MAPK4: variants seen among roughly 807,000 people sequenced by gnomAD.
MAPK4 encodes the protein mitogen-activated protein kinase 4.
MAPK4 carries 22 observed loss-of-function variants against 47.7 expected under a neutral mutation model. The ratio of observed to expected loss-of-function variants is 0.46; its 90% confidence interval spans 0.33 to 0.66. MAPK4 has a LOEUF of 0.66. MAPK4 is among the 30% of genes least tolerant of loss of function. The pLI is 0.02. For synonymous variants in MAPK4, 390 were observed against 365.7 expected, an observed-to-expected ratio of 1.07 and a Z score of -0.76; for missense variants, 736 against 831.7, an observed-to-expected ratio of 0.88 and a Z score of 1.42.
Position 50,730,016 on chromosome 18 carries a change from C to A in MAPK4, c.*162C>A. 1 of 712,156 alleles carries A rather than the reference C, an allele frequency of 1.4e-6. No homozygotes were observed. The highest frequency in any genetic ancestry group is 2.2e-6 in the Non-Finnish European group (1 of 455,794). 44.1% of individuals were successfully genotyped at this position (712,156 alleles called of 1,614,324 possible). A position where few individuals can be genotyped will look rare whatever the true frequency, so the allele number is the denominator to read the frequency against. Reference sequence around the variant, plus strand: ...GAGGAATGTCCATTTCTTAAACTGCCTTAATAACTAGCCTTTAACCTGTGG... The same window carrying A: ...GAGGAATGTCCATTTCTTAAACTGCATTAATAACTAGCCTTTAACCTGTGG... On this transcript the variant is annotated 3_prime_UTR_variant, in exon 6 of 6. Coordinates refer to ENST00000400384, the MANE Select transcript of MAPK4 (RefSeq NM_002747.4).
Position 50,731,072 on chromosome 18 carries a change from G to A in MAPK4, c.*1218G>A, listed in dbSNP as rs890810887. On this transcript the variant is annotated 3_prime_UTR_variant, in exon 6 of 6. Transcript: ENST00000400384. ...ACCTTGGGGGCAAGGAATCCAGAAA[G>A]GTAGGAAGATATGAAAAGAGAGGTG... 3 of 152,342 alleles carry A rather than the reference G, an allele frequency of 2.0e-5. No homozygotes were observed. The highest frequency in any genetic ancestry group is 1.3e-4 in the Admixed American group (2 of 15,290). The allele number at this position is 152,342 out of a possible 1,614,324, so 9.4% of individuals were successfully genotyped here.
chr18:50,576,903 T>C (rs2042302176), intron 1 of MAPK4, among the ~76,000 whole-genome samples: 1 of 152,210 alleles, frequency 6.6e-6, no homozygotes, highest in Admixed American at 6.5e-5. Context: ...TGGAGGTCTC[T>C]ACAAATTCAA....
chr18:50,560,841 G>A (rs1203404766), intron 1 of MAPK4: 1 of 152,326 alleles, frequency 6.6e-6, no homozygotes, highest in East Asian at 1.9e-4. Context: ...GCCTGCCGGA[G>A]AGGGCAGCGG....
upstream of MAPK4, among the ~76,000 whole-genome samples, chr18:50,559,826 C>G (rs1193496337): frequency 6.6e-6 from 1 of 150,792 alleles, no homozygotes; most frequent in Non-Finnish European, 1.5e-5. Context: ...CTACCCGGGA[C>G]GGGGCTCGGC....
intron 2 of MAPK4, among the ~76,000 whole-genome samples, chr18:50,698,909 C>T (rs1471852183): frequency 1.3e-5 from 2 of 152,000 alleles, no homozygotes; most frequent in Admixed American, 6.6e-5. Context: ...CCTGTAATCC[C>T]CGCTATCTGG....
chr18:50,681,853 T>C (rs1598905346), intron 2 of MAPK4, among the ~76,000 whole-genome samples: 1 of 152,336 alleles, frequency 6.6e-6, no homozygotes, highest in East Asian at 1.9e-4. Context: ...ATACTCCAAC[T>C]TTGTTCCTTT....
At chr18:50,562,720 A>G (rs755309953) in intron 1 of MAPK4, among the ~76,000 whole-genome samples, 1 of 152,258 alleles carries the variant, frequency 6.6e-6, no homozygotes, top group Non-Finnish European at 1.5e-5. Context: ...CAAATATTTG[A>G]GTATTTACAA....
Position 50,724,711 on chromosome 18 carries a change from G to C in MAPK4, c.854-1251G>C, listed in dbSNP as rs542898042. Among the ~76,000 whole-genome samples the C allele has an allele frequency of 3.9e-5, 6 of 152,338 alleles. No homozygotes were observed. The South Asian group carries it at 1.0e-3, about 26-fold the overall frequency. On this transcript the variant is annotated intron_variant, in intron 4 of 5. Transcript: ENST00000400384. ...AGGCCAGTGACCTTCTGAATCCATC[G>C]ATTTCCTCAATCACTGATGAATTTT...
intron 1 of MAPK4, among the ~76,000 whole-genome samples, chr18:50,597,413 C>T (rs1426096808): frequency 6.6e-6 from 1 of 152,180 alleles, no homozygotes; most frequent in African/African-American, 2.4e-5. Context: ...CTGTCCTGCT[C>T]ATCTTGTTTC....
chr18:50,562,258 G>A (rs887942567), intron 1 of MAPK4, among the ~76,000 whole-genome samples: 10 of 152,096 alleles, frequency 6.6e-5, no homozygotes, highest in Non-Finnish European at 1.3e-4. Flanking sequence ...CTCCAGATGC[G>A]TGAATCTCCT....
chr18:50,613,310 G>C (rs757017213), intron 1 of MAPK4, among the ~76,000 whole-genome samples: 6 of 152,228 alleles, frequency 3.9e-5, no homozygotes, highest in Admixed American at 2.0e-4. Flanking sequence ...CCTGTGAAGA[G>C]AGCCACATGG....
chr18:50,697,001 G>A (rs1294294839), intron 2 of MAPK4, among the ~76,000 whole-genome samples: 4 of 151,986 alleles, frequency 2.6e-5, no homozygotes, highest in African/African-American at 9.7e-5. Context: ...GAGACTTGGT[G>A]GTGGCCAGAC....
intron 1 of MAPK4, among the ~76,000 whole-genome samples, chr18:50,636,418 T>C (rs2042889253): frequency 6.6e-6 from 1 of 152,230 alleles, no homozygotes; most frequent in Non-Finnish European, 1.5e-5. Context: ...AAGTGCTTGG[T>C]AAGTATCTGT....
chr18:50,675,715 C>T (rs929938331), intron 2 of MAPK4, among the ~76,000 whole-genome samples: 3 of 152,158 alleles, frequency 2.0e-5, no homozygotes, highest in Admixed American at 6.5e-5. Flanking sequence ...TGGTCTTGAT[C>T]TCTTGACCTC....
At chr18:50,593,894 A>G (rs1348377058) in intron 1 of MAPK4, among the ~76,000 whole-genome samples, 1 of 152,218 alleles carries the variant, frequency 6.6e-6, no homozygotes, top group Non-Finnish European at 1.5e-5. Flanking sequence ...GGCTCACACA[A>G]TCACAAGGCG....
intron 2 of MAPK4, among the ~76,000 whole-genome samples, chr18:50,677,944 G>A (rs59433903): frequency 0.2 from 29,886 of 152,064 alleles, 3,169 homozygotes; most frequent in Admixed American, 0.27. Context: ...CAGGCTGGTG[G>A]GGTGAGGGTG....
At position 50,625,451 on chromosome 18, in the gene MAPK4, A is replaced by G. The variant is rs546628821; in HGVS notation, c.-870-37638A>G. Among the ~76,000 whole-genome samples, 12 of 152,190 alleles carry G rather than the reference A, an allele frequency of 7.9e-5. No individual in the cohort carries two copies. In the South Asian group the frequency reaches 2.5e-3, roughly 32 times the overall value. On this transcript the variant is annotated intron_variant, in intron 1 of 5. Coordinates refer to ENST00000400384, the MANE Select transcript of MAPK4 (RefSeq NM_002747.4). ...GCCTTTTTCTAGCTTCCTCCCTCCA[A>G]AGACCGCAGGAGTCACAAACCCCCA...
intron 2 of MAPK4, among the ~76,000 whole-genome samples, chr18:50,685,602 G>A (rs1908835035): frequency 6.6e-6 from 1 of 152,188 alleles, no homozygotes; most frequent in African/African-American, 2.4e-5. Flanking sequence ...ATCCAGCCAG[G>A]CAGGACTCCT....
chr18:50,706,444 G>A (rs1458711270), intron 2 of MAPK4, among the ~76,000 whole-genome samples: 1 of 149,798 alleles, frequency 6.7e-6, no homozygotes, highest in Non-Finnish European at 1.5e-5. Flanking sequence ...CACAGCAGGA[G>A]TCCTGAACGT....
Sources: gnomAD v4.1 joint callset for allele counts (sites outside exome capture counted in the v4.1 genomes callset) on GRCh38, gnomAD v4.1.1 for gene constraint, MANE v1.5 for transcripts, NCBI Gene and HGNC (gene_info 2026-07-23, HGNC 2026-07-21) for gene names.